Variants in GMDS observed in about 807,000 individuals in gnomAD.
GMDS encodes the protein GDP-mannose 4,6 dehydratase.
GMDS carries 20 observed loss-of-function variants against 49.9 expected under a neutral mutation model. That is an observed-to-expected ratio of 0.40 (90% confidence interval 0.28 to 0.58). The LOEUF (loss-of-function observed/expected upper bound fraction) is 0.58. Among genes scored for constraint, GMDS ranks in the 20% least tolerant of loss-of-function variants. The pLI, the probability that GMDS is intolerant of heterozygous loss-of-function variation, is 0.42. For synonymous variants in GMDS, 177 were observed against 178.6 expected (o/e 0.99, Z 0.07); for missense variants, 362 against 481.4 (o/e 0.75, Z 2.32).
At chr6:2,232,167 T>TA (rs397939084) in intron 1 of GMDS, among the ~76,000 whole-genome samples, 8 of 151,822 alleles carry the variant, frequency 5.3e-5, no homozygotes, top group East Asian at 1.9e-4. Context: ...TTTTTTTTTT[T>TA]AAATACTGTG....
At chr6:2,151,022 T>C (rs1776817665) in intron 1 of GMDS, among the ~76,000 whole-genome samples, 1 of 152,166 alleles carries the variant, frequency 6.6e-6, no homozygotes, top group South Asian at 2.1e-4. Context: ...ACTACTTTCA[T>C]GTATTTGTCT....
At chr6:1,918,812 T>C (rs182323040) in intron 7 of GMDS, among the ~76,000 whole-genome samples, 49 of 152,290 alleles carry the variant, frequency 3.2e-4, no homozygotes, top group Admixed American at 1.9e-3. Flanking sequence ...TAGTAGAATC[T>C]AGAGATAATC....
chr6:1,725,669 T>C (rs916577184), intron 9 of GMDS, among the ~76,000 whole-genome samples: 9 of 152,148 alleles, frequency 5.9e-5, no homozygotes, highest in African/African-American at 9.7e-5. Flanking sequence ...TGAGCTCAGG[T>C]GATCTGCATG....
chr6:2,025,383 T>C (rs1247392524), intron 4 of GMDS, among the ~76,000 whole-genome samples: 4 of 151,100 alleles, frequency 2.6e-5, no homozygotes, highest in African/African-American at 9.7e-5. Context: ...TGTGTGTGTG[T>C]GTGTGTGTGT....
intron 4 of GMDS, among the ~76,000 whole-genome samples, chr6:2,067,786 CA>C (rs199911888): frequency 0.18 from 27,689 of 151,968 alleles, 2,891 homozygotes; most frequent in Admixed American, 0.22. Flanking sequence ...GCTTACCAAC[CA>C]AAAAGTGTCC....
At chr6:1,927,143 A>C (rs55955010) in intron 7 of GMDS, among the ~76,000 whole-genome samples, 248 of 44,106 alleles carry the variant, frequency 5.6e-3, no homozygotes, top group Middle Eastern at 0.013. Context: ...TAGCGTGTTG[A>C]TGTATTTTTA....
intron 7 of GMDS, among the ~76,000 whole-genome samples, chr6:1,835,929 G>A (rs1756904292): frequency 6.6e-6 from 1 of 151,864 alleles, no homozygotes; most frequent in Non-Finnish European, 1.5e-5. Flanking sequence ...ATGTCGCCCA[G>A]GCAGGAGTGC....
At chr6:2,056,722 C>T (rs1051780991) in intron 4 of GMDS, among the ~76,000 whole-genome samples, 1 of 152,144 alleles carries the variant, frequency 6.6e-6, no homozygotes, top group Admixed American at 6.5e-5. Flanking sequence ...TGCCACATGG[C>T]TGGACTTGAG....
chr6:2,195,236 T>C (rs1032697850), intron 1 of GMDS, among the ~76,000 whole-genome samples: 11 of 152,186 alleles, frequency 7.2e-5, no homozygotes, highest in African/African-American at 2.7e-4. Flanking sequence ...TAGTACTTAA[T>C]GATTCTGTTC....
At chr6:1,655,476 T>TACACACACACACACACACACACACACAC (rs751129753) in intron 9 of GMDS, among the ~76,000 whole-genome samples, 1 of 81,086 alleles carries the variant, frequency 1.2e-5, no homozygotes, top group Non-Finnish European at 2.8e-5. Context: ...TTGAAAGCCT[T>TACACACACACACACACACACACACACAC]ACACACACAC....
chr6:1,805,823 C>T (rs1770152793), intron 7 of GMDS, among the ~76,000 whole-genome samples: 1 of 152,074 alleles, frequency 6.6e-6, no homozygotes, highest in Admixed American at 6.6e-5. Flanking sequence ...TGCTTTTGGA[C>T]CCTCAGCATT....
chr6:1,929,735 T>C (rs1206097562), intron 7 of GMDS, among the ~76,000 whole-genome samples: 1 of 152,186 alleles, frequency 6.6e-6, no homozygotes, highest in East Asian at 1.9e-4. Context: ...TTGAATTATA[T>C]ACATTGAAAT....
intron 4 of GMDS, among the ~76,000 whole-genome samples, chr6:2,085,264 T>C (rs1173976957): frequency 6.6e-6 from 1 of 152,190 alleles, no homozygotes; most frequent in Non-Finnish European, 1.5e-5. Flanking sequence ...TCCCTAGGTA[T>C]CTGTAACATG....
chr6:2,071,073 C>T (rs145035519), intron 4 of GMDS, among the ~76,000 whole-genome samples: 94 of 152,214 alleles, frequency 6.2e-4, no homozygotes, highest in African/African-American at 2.2e-3. Context: ...GCTCTTTTTC[C>T]AATGGCTTGC....
intron 9 of GMDS, among the ~76,000 whole-genome samples, chr6:1,631,692 A>G (rs541234611): frequency 2.6e-5 from 4 of 152,042 alleles, no homozygotes; most frequent in African/African-American, 9.7e-5. Flanking sequence ...ATCCAAATAT[A>G]AATAACGTAA....
At chr6:2,104,020 G>C (rs1351561722) in intron 4 of GMDS, among the ~76,000 whole-genome samples, 4 of 152,168 alleles carry the variant, frequency 2.6e-5, no homozygotes, top group Admixed American at 2.6e-4. Context: ...CTGATTCGTG[G>C]ACTGACATTT....
chr6:1,999,379 A>G (rs547170038), intron 4 of GMDS, among the ~76,000 whole-genome samples: 2 of 151,798 alleles, frequency 1.3e-5, no homozygotes, highest in East Asian at 3.9e-4. Flanking sequence ...TCAGAAAGAT[A>G]TTAAAAGATG....
At chr6:1,713,548 T>G (rs1766056327) in intron 9 of GMDS, among the ~76,000 whole-genome samples, 1 of 152,216 alleles carries the variant, frequency 6.6e-6, no homozygotes, top group African/African-American at 2.4e-5. Context: ...GAGGTGGTGA[T>G]GCATGAAGAT....
intron 7 of GMDS, among the ~76,000 whole-genome samples, chr6:1,779,615 T>C (rs944705468): frequency 5.3e-5 from 8 of 152,110 alleles, no homozygotes; most frequent in Non-Finnish European, 8.8e-5. Context: ...TGTCCTCTGA[T>C]AGGAAATGAC....
Sources: allele counts gnomAD v4.1 joint callset (sites outside exome capture counted in the v4.1 genomes callset), GRCh38; gene constraint gnomAD v4.1.1; transcripts MANE v1.5; gene names NCBI Gene and HGNC (gene_info 2026-07-23, HGNC 2026-07-21).